SUMF1: variants seen among roughly 807,000 people sequenced by gnomAD.
The protein encoded by SUMF1 is formylglycine-generating enzyme.
SUMF1 carries 48 observed loss-of-function variants against 47.6 expected under a neutral mutation model. The ratio of observed to expected loss-of-function variants is 1.01; its 90% CI spans 0.80 to 1.28. SUMF1 has a LOEUF of 1.28. Among genes scored for constraint, SUMF1 ranks in the 50% most tolerant of loss-of-function variants. The pLI is 0.00. For synonymous variants in SUMF1, 230 were observed against 192.1 expected, an observed-to-expected ratio of 1.20 and a Z score of -1.63; for missense variants, 571 against 485.4, an observed-to-expected ratio of 1.18 and a Z score of -1.66.
chr3:4,278,577 G>A (rs1008591578), intron 8 of SUMF1, among the ~76,000 whole-genome samples: 2 of 152,074 alleles, frequency 1.3e-5, no homozygotes. Flanking sequence ...ATACGTCTAT[G>A]AGACTGGTTT....
chr3:4,133,072 T>C (rs1033671451), intron 8 of SUMF1, among the ~76,000 whole-genome samples: 1 of 152,190 alleles, frequency 6.6e-6, no homozygotes, highest in Non-Finnish European at 1.5e-5. Context: ...TAATATCAGC[T>C]ATGACCACAT....
chr3:4,420,039 C>T (rs749327150), intron 4 of SUMF1, 25 bp downstream of exon 4: 24 of 1,608,164 alleles, frequency 1.5e-5, no homozygotes, highest in Non-Finnish European at 1.8e-5. Flanking sequence ...AACTTGTCAA[C>T]TGGGGAAAGA....
chr3:4,420,638 C>T (rs1183473227), intron 3 of SUMF1, among the ~76,000 whole-genome samples: 4 of 151,468 alleles, frequency 2.6e-5, no homozygotes, highest in Non-Finnish European at 4.4e-5. Context: ...CCTTGTGATC[C>T]GCCCGCCTCG....
chr3:4,284,466 AGG>A (rs1469666589), intron 8 of SUMF1, among the ~76,000 whole-genome samples: 3 of 144,054 alleles, frequency 2.1e-5, no homozygotes, highest in African/African-American at 7.5e-5. Context: ...GAGGAGGAGG[AGG>A]AGGAGAAGGA....
At chr3:4,381,342 G>C (rs142259227) in intron 7 of SUMF1, among the ~76,000 whole-genome samples, 2 of 152,184 alleles carry the variant, frequency 1.3e-5, no homozygotes, top group South Asian at 4.1e-4. Context: ...CGGGGAAAGG[G>C]TGGGAAGGGG....
chr3:4,462,513 C>T (rs2079839785), intron 1 of SUMF1, among the ~76,000 whole-genome samples: 2 of 152,132 alleles, frequency 1.3e-5, no homozygotes, highest in African/African-American at 2.4e-5. Context: ...ATGTCCCTTC[C>T]AGTTTTTTCC....
At position 4,064,907 on chromosome 3, in the gene SUMF1, A is replaced by G. The variant is rs921045660; in HGVS notation, c.1191+3662T>C. ...TGGAAGGAAAATAAAACAGCATGGG[A>G]CACAGCAAAAAGTGGTGAGTTTCAT... On this transcript the variant is annotated intron_variant and NMD_transcript_variant, in intron 9 of 12. Transcript: ENST00000448413. Among the ~76,000 whole-genome samples the G allele has an allele frequency of 6.6e-5, 10 of 152,182 alleles. No homozygotes were observed. In the East Asian group the frequency reaches 1.7e-3, roughly 26 times the overall value.
At chr3:4,040,202 A>G (rs1365200395) in intron 9 of SUMF1, among the ~76,000 whole-genome samples, 1 of 152,134 alleles carries the variant, frequency 6.6e-6, no homozygotes, top group Non-Finnish European at 1.5e-5. Flanking sequence ...AATATATACA[A>G]TTTTAATTTG....
At chr3:4,118,961 G>A (rs1188859984) in intron 8 of SUMF1, among the ~76,000 whole-genome samples, 1 of 152,062 alleles carries the variant, frequency 6.6e-6, no homozygotes, top group African/African-American at 2.4e-5. Flanking sequence ...CCTTGAGCTT[G>A]ACTTCCAGCT....
chr3:4,438,872 AT>A (rs1334420202), intron 3 of SUMF1, among the ~76,000 whole-genome samples: 4 of 152,198 alleles, frequency 2.6e-5, no homozygotes, highest in Non-Finnish European at 5.9e-5. Context: ...TACACGATTT[AT>A]TTATGAAAGT....
At chr3:4,130,045 G>A (rs555956250) in intron 8 of SUMF1, among the ~76,000 whole-genome samples, 14 of 152,042 alleles carry the variant, frequency 9.2e-5, no homozygotes, top group East Asian at 1.9e-4. Flanking sequence ...AAACAATATC[G>A]CATCCTGGAA....
intron 8 of SUMF1, among the ~76,000 whole-genome samples, chr3:4,154,449 A>G (rs968499539): frequency 1.1e-4 from 17 of 151,600 alleles, no homozygotes; most frequent in African/African-American, 3.9e-4. Flanking sequence ...GGCACCAACT[A>G]TGTTCCAGTC....
chr3:4,181,439 T>C (rs1024744993), intron 8 of SUMF1, among the ~76,000 whole-genome samples: 5 of 152,078 alleles, frequency 3.3e-5, no homozygotes, highest in African/African-American at 1.2e-4. Flanking sequence ...AAATATATCT[T>C]CTTGGGGATT....
At chr3:4,063,207 T>A (rs1695302579) in intron 9 of SUMF1, among the ~76,000 whole-genome samples, 3 of 152,092 alleles carry the variant, frequency 2.0e-5, no homozygotes, top group Admixed American at 2.0e-4. Context: ...GGTAAATTTC[T>A]AAATGCCCAC....
At chr3:4,366,509 G>A (rs1057443868) in intron 8 of SUMF1, among the ~76,000 whole-genome samples, 4 of 149,980 alleles carry the variant, frequency 2.7e-5, no homozygotes, top group South Asian at 2.1e-4. Context: ...TGATTGCATC[G>A]ACTCCTGAGG....
intron 9 of SUMF1, among the ~76,000 whole-genome samples, chr3:4,053,023 T>C (rs1209624473): frequency 6.6e-6 from 1 of 152,204 alleles, no homozygotes; most frequent in African/African-American, 2.4e-5. Flanking sequence ...CTCTAGCTTT[T>C]GGTCCATCTC....
At chr3:4,082,268 G>A (rs1234960544) in intron 8 of SUMF1, among the ~76,000 whole-genome samples, 1 of 152,036 alleles carries the variant, frequency 6.6e-6, no homozygotes. Context: ...AGGCGTTTGA[G>A]ACCAGCCTAG....
At chr3:4,263,359 A>C (rs1308344092) in intron 8 of SUMF1, among the ~76,000 whole-genome samples, 1 of 152,190 alleles carries the variant, frequency 6.6e-6, no homozygotes, top group East Asian at 1.9e-4. Context: ...AAACAATTCA[A>C]GGTAAAGGTG....
chr3:4,226,264 CTTTTTTTTTTTT>C (rs869300368), intron 8 of SUMF1, among the ~76,000 whole-genome samples: 4 of 86,988 alleles, frequency 4.6e-5, no homozygotes, highest in African/African-American at 9.0e-5. Context: ...TTTTTTGTTT[CTTTTTTTTTTTT>C]TTTTTTTTTT....
Sources: allele counts gnomAD v4.1 joint callset (sites outside exome capture counted in the v4.1 genomes callset), GRCh38; gene constraint gnomAD v4.1.1; transcripts MANE v1.5; gene names NCBI Gene and HGNC (gene_info 2026-07-23, HGNC 2026-07-21).